Variants in PGBD2 observed in about 807,000 individuals in gnomAD.
PGBD2 encodes the protein piggyBac transposable element derived 2.
In PGBD2, 6 loss-of-function variants were observed where a neutral mutation model predicts 8.1. The observed-to-expected ratio is 0.74, with a 90% confidence interval of 0.40 to 1.46. The LOEUF (loss-of-function observed/expected upper bound fraction) is 1.46, where lower values mean the gene tolerates loss of function less well. PGBD2 is among the 40% of genes most tolerant of loss of function. PGBD2 has a pLI of 0.02. For synonymous variants in PGBD2, 318 were observed against 272.2 expected (o/e 1.17, Z -1.66); for missense variants, 802 against 739.0 (o/e 1.09, Z -0.99).
chr1:248,874,830 A>G, the PGBD2 span, among the ~76,000 whole-genome samples: 1 of 152,122 alleles, frequency 6.6e-6, no homozygotes, highest in Non-Finnish European at 1.5e-5. Flanking sequence ...CTTTACCTGC[A>G]ATCAACACTG....
intron 1 of PGBD2, among the ~76,000 whole-genome samples, chr1:248,911,756 C>T (rs994206418): frequency 6.6e-6 from 1 of 150,898 alleles, no homozygotes; most frequent in Non-Finnish European, 1.5e-5. Flanking sequence ...GGCTGACCCC[C>T]CCACCTCCCT....
At chr1:248,873,904 G>A in the PGBD2 span, among the ~76,000 whole-genome samples, 25 of 152,200 alleles carry the variant, frequency 1.6e-4, no homozygotes, top group Admixed American at 1.6e-3. Flanking sequence ...TAAGCACCTT[G>A]CCTGCGGGCT....
At chr1:248,880,052 A>T in the PGBD2 span, among the ~76,000 whole-genome samples, 4 of 152,212 alleles carry the variant, frequency 2.6e-5, no homozygotes, top group African/African-American at 7.2e-5. Flanking sequence ...CCTTTGGGTC[A>T]TGGAAGCTGA....
chr1:248,874,377 C>T, the PGBD2 span, among the ~76,000 whole-genome samples: 1 of 152,150 alleles, frequency 6.6e-6, no homozygotes, highest in East Asian at 1.9e-4. Flanking sequence ...TTCCCAGAGT[C>T]AGCTATGACT....
the PGBD2 span, among the ~76,000 whole-genome samples, chr1:248,894,277 GT>G: frequency 2.6e-5 from 4 of 150,958 alleles, no homozygotes; most frequent in African/African-American, 4.9e-5. Flanking sequence ...CTATTTTTGG[GT>G]TTTTTTTGTG....
intron 1 of PGBD2, among the ~76,000 whole-genome samples, chr1:248,907,602 A>T (rs896500687): frequency 3.9e-5 from 6 of 152,128 alleles, no homozygotes; most frequent in Admixed American, 2.6e-4. Flanking sequence ...GTGGCTTTTC[A>T]TGGTGCATTG....
At chr1:248,877,613 G>T in the PGBD2 span, among the ~76,000 whole-genome samples, 2 of 152,096 alleles carry the variant, frequency 1.3e-5, no homozygotes, top group Non-Finnish European at 2.9e-5. Flanking sequence ...TATTTAAGGG[G>T]CAATAAATGA....
chr1:248,893,388 C>A, the PGBD2 span, among the ~76,000 whole-genome samples: 5 of 152,154 alleles, frequency 3.3e-5, no homozygotes, highest in African/African-American at 9.7e-5. Flanking sequence ...CCCTCTCCCC[C>A]ATCTCCTGGT....
In PGBD2 at chr1:248,918,772, G is replaced by A. The variant is rs1223912215; in HGVS notation, c.*409G>A. 6.0e-6 allele frequency: 1 copy of A among 166,746 alleles called. No homozygotes were observed. Among genetic ancestry groups the A allele is most frequent in the Non-Finnish European group, 1.5e-5 (1 of 68,110 alleles). 10.3% of individuals were successfully genotyped at this position (166,746 alleles called of 1,614,324 possible). ...TGTATAAATATCATGTAAATGTGAT[G>A]GATTTCTTAATCATATTTATTTCAT... On this transcript the variant is annotated 3_prime_UTR_variant, in exon 3 of 3. Transcript: ENST00000329291.
chr1:248,899,649 C>G, the PGBD2 span, among the ~76,000 whole-genome samples: 5 of 151,774 alleles, frequency 3.3e-5, no homozygotes, highest in African/African-American at 1.2e-4. Context: ...AGAAAGAGCT[C>G]AAGTCAATAC....
the PGBD2 span, among the ~76,000 whole-genome samples, chr1:248,886,474 T>G: frequency 6.6e-6 from 1 of 152,248 alleles, no homozygotes; most frequent in African/African-American, 2.4e-5. Context: ...AAGATTGATC[T>G]GTTTGAATTC....
At chr1:248,916,149 C>CA in intron 2 of PGBD2, among the ~76,000 whole-genome samples, 1 of 152,316 alleles carries the variant, frequency 6.6e-6, no homozygotes, top group Admixed American at 6.5e-5. Context: ...TGCCATGGCT[C>CA]ACGCCTGTAA....
At chr1:248,891,991 G>A in the PGBD2 span, among the ~76,000 whole-genome samples, 1 of 152,212 alleles carries the variant, frequency 6.6e-6, no homozygotes, top group African/African-American at 2.4e-5. Context: ...GGCGTCGCCT[G>A]TGTCAACCCC....
chr1:248,917,694 C>CACAGGAACTGTTCGTGAGT lies in PGBD2; in HGVS notation c.1117_1135dup (p.Thr379AsnfsTer4). ...TTTTGAGGAAAAAGGGGGTGAAAGCCACAGGAACTGTTCGTGAGTACAGGA... is the reference window on the plus strand; with the variant it reads ...TTTTGAGGAAAAAGGGGGTGAAAGCCACAGGAACTGTTCGTGAGTACAGGAACTGTTCGTGAGTACAGGA... On this transcript the variant is annotated frameshift_variant, in exon 3 of 3. Transcript: ENST00000329291. LOFTEE classifies it low-confidence loss of function (END_TRUNC). 6.2e-7 allele frequency: 1 copy of CACAGGAACTGTTCGTGAGT among 1,614,106 alleles called. No individual in the cohort carries two copies. Among genetic ancestry groups the CACAGGAACTGTTCGTGAGT allele is most frequent in the Non-Finnish European group, 8.5e-7 (1 of 1,180,032 alleles).
At chr1:248,875,015 T>C in the PGBD2 span, among the ~76,000 whole-genome samples, 31 of 152,004 alleles carry the variant, frequency 2.0e-4, no homozygotes, top group Non-Finnish European at 4.0e-4. Context: ...GAGATCTGTA[T>C]GGCCTGGCGC....
At chr1:248,873,280 T>C in the PGBD2 span, among the ~76,000 whole-genome samples, 2 of 152,064 alleles carry the variant, frequency 1.3e-5, no homozygotes, top group Admixed American at 6.5e-5. Flanking sequence ...CTGACTTCCC[T>C]CACCTCAGGC....
chr1:248,928,886 A>C, the PGBD2 span, among the ~76,000 whole-genome samples: 2 of 152,192 alleles, frequency 1.3e-5, no homozygotes, highest in African/African-American at 4.8e-5. Flanking sequence ...ATATACAAAG[A>C]TGAGGCAAAG....
intron 1 of PGBD2, among the ~76,000 whole-genome samples, chr1:248,907,596 C>G (rs1661704397): frequency 6.6e-6 from 1 of 152,210 alleles, no homozygotes; most frequent in South Asian, 2.1e-4. Context: ...GTCCCTGTGG[C>G]TTTTCATGGT....
At chr1:248,905,903 G>A (rs1479165179), upstream of PGBD2, among the ~76,000 whole-genome samples, 1 of 152,196 alleles carries the variant, frequency 6.6e-6, no homozygotes, top group Non-Finnish European at 1.5e-5. Flanking sequence ...CCCAAGATTT[G>A]CATTTCCATC....
Sources: allele counts gnomAD v4.1 joint callset (sites outside exome capture counted in the v4.1 genomes callset), GRCh38; gene constraint gnomAD v4.1.1; transcripts MANE v1.5; gene names NCBI Gene and HGNC (gene_info 2026-07-23, HGNC 2026-07-21).